Variants in SLC38A8 observed in about 807,000 individuals in gnomAD.
The protein encoded by SLC38A8 is amino acid transporter SLC38A8.
In SLC38A8, 65 loss-of-function variants were observed where a neutral mutation model predicts 46.0. The ratio of observed to expected loss-of-function variants is 1.41; its 90% CI spans 1.16 to 1.74. SLC38A8 has a LOEUF of 1.74. Ranked by LOEUF, SLC38A8 falls within the 40% of genes most tolerant of loss-of-function variation. The pLI is 0.00. For synonymous variants in SLC38A8, 447 were observed against 243.7 expected, an observed-to-expected ratio of 1.83 and a Z score of -7.77; for missense variants, 998 against 567.9, an observed-to-expected ratio of 1.76 and a Z score of -7.70.
rs1422909947 is a variant in SLC38A8, at chr16:84,022,859, T to G, written c.721A>C (p.Ser241Arg). ...TGGGAGAGGCTCCGTTTGCGCATGC[T>G]GCAGTAGATGGAGACGGCAGCTTCG... is the stretch of plus-strand genomic sequence containing the variant. ...CHEAAVSIYC[S>R]MRKRSLSHWA... The change falls in exon 7 of 11, where the codon AGC becomes CGC. Residue 241 changes from serine (S) to arginine (R), a missense_variant. Transcript: ENST00000299709. The G allele has an allele frequency of 6.2e-7, 1 of 1,608,666 alleles. No individual in the cohort carries two copies. Among genetic ancestry groups the G allele is most frequent in the Non-Finnish European group, 8.5e-7 (1 of 1,178,048 alleles).
At chr16:84,016,831 G>C (rs2085032878) in intron 8 of SLC38A8, 104 bp from the exon 9 acceptor site, 1 of 1,266,602 alleles carries the variant, frequency 7.9e-7, no homozygotes, top group South Asian at 1.5e-5. Flanking sequence ...ACCTGTCAGT[G>C]CTCCTGTTCC....
In SLC38A8 at chr16:84,030,768, G is replaced by A. The variant is rs114074910; in HGVS notation, c.632+1099C>T. Among the ~76,000 whole-genome samples the A allele has an allele frequency of 9.7e-3, 1,475 of 152,286 alleles. 19 individuals carry two copies. The highest frequency in any genetic ancestry group is 0.034 in the African/African-American group (1,396 of 41,562). ...GCAGGAGGAATATGCGGGGACCCTTGTTGGACAAGGATTAAGGATTTTAAG... is the reference window on the plus strand; with the variant it reads ...GCAGGAGGAATATGCGGGGACCCTTATTGGACAAGGATTAAGGATTTTAAG... On this transcript the variant is annotated intron_variant, in intron 5 of 10. Transcript: ENST00000299709.
In SLC38A8 at chr16:84,022,837, G is replaced by T. The variant is rs11861325; in HGVS notation, c.743C>A (p.Ser248Tyr). ...IYCSMRKRSL[S>Y]HWALVSVLSL... The stretch of plus-strand genomic sequence containing the variant: ...CAGCACAGACACCAGGGCCCAGTGG[G>T]AGAGGCTCCGTTTGCGCATGCTGCA... Residue 248 changes from serine to tyrosine, a missense_variant, in exon 7 of 11, where the codon TCC becomes TAC. Coordinates refer to ENST00000299709, the MANE Select transcript of SLC38A8 (RefSeq NM_001080442.3). The T allele has an allele frequency of 3.1e-6, 5 of 1,612,656 alleles. No individual in the cohort carries two copies.
At chr16:84,021,699 C>T (rs1394265801) in intron 7 of SLC38A8, among the ~76,000 whole-genome samples, 1 of 152,246 alleles carries the variant, frequency 6.6e-6, no homozygotes, top group East Asian at 1.9e-4. Flanking sequence ...CAATCATCAA[C>T]ACCCCACTCT....
intron 6 of SLC38A8, 149 bp downstream of exon 6, chr16:84,029,345 A>C: frequency 1.4e-6 from 1 of 717,284 alleles, no homozygotes; most frequent in South Asian, 1.9e-5. Context: ...CAGCCTGGGA[A>C]CCACAGGTGG....
intron 4 of SLC38A8, among the ~76,000 whole-genome samples, chr16:84,033,120 C>G (rs1398273731): frequency 6.6e-6 from 1 of 152,224 alleles, no homozygotes; most frequent in African/African-American, 2.4e-5. Context: ...CTGAGTAGCA[C>G]TGACGTTGTT....
intron 3 of SLC38A8, among the ~76,000 whole-genome samples, chr16:84,034,643 A>C (rs550634407): frequency 6.6e-6 from 1 of 152,196 alleles, no homozygotes; most frequent in Non-Finnish European, 1.5e-5. Context: ...TGAAAAAATG[A>C]ATGCATGTGA....
chr16:84,013,985 G>T, intron 9 of SLC38A8, among the ~76,000 whole-genome samples: 1 of 151,920 alleles, frequency 6.6e-6, no homozygotes, highest in East Asian at 1.9e-4. Flanking sequence ...CCTGAGTGAG[G>T]AGCCGTGTGG....
intron 6 of SLC38A8, among the ~76,000 whole-genome samples, chr16:84,029,194 G>T (rs1420225618): frequency 6.6e-6 from 1 of 152,106 alleles, no homozygotes; most frequent in African/African-American, 2.4e-5. Context: ...GAAGGGACAG[G>T]TCCCGGGTCC....
At chr16:84,017,054 G>A (rs773332855) in intron 8 of SLC38A8, 86 bp downstream of exon 8, 107 of 1,538,274 alleles carry the variant, frequency 7.0e-5, no homozygotes, top group Middle Eastern at 6.8e-4. Context: ...TCCCACAGCC[G>A]CGTAGCCCAC....
chr16:84,029,666 A>C (rs2085214633), intron 5 of SLC38A8, 115 bp from the exon 6 acceptor site: 3 of 1,045,690 alleles, frequency 2.9e-6, no homozygotes, highest in Non-Finnish European at 4.3e-6. Flanking sequence ...CATGGCTGCA[A>C]GATGTATTTT....
chr16:84,013,435 T>TGTTTTTTGTTTTTGTTG (rs1555551880), intron 9 of SLC38A8, among the ~76,000 whole-genome samples: 1 of 130,696 alleles, frequency 7.7e-6, no homozygotes, highest in Non-Finnish European at 1.6e-5. Context: ...TTTTTTTTTT[T>TGTTTTTTGTTTTTGTTG]TTTTTTTTTT....
chr16:84,039,745 A>C (rs1040704812), intron 2 of SLC38A8, among the ~76,000 whole-genome samples: 299 of 17,368 alleles, frequency 0.017, 7 homozygotes, highest in South Asian at 0.062. Context: ...GAGACCTTCA[A>C]AAAAAAAAAA....
chr16:84,025,455 C>A (rs1427421760), intron 6 of SLC38A8, among the ~76,000 whole-genome samples: 2 of 152,196 alleles, frequency 1.3e-5, no homozygotes, highest in African/African-American at 4.8e-5. Context: ...TCACACAGCC[C>A]GTGTCCTCAA....
rs374462517 is a variant in SLC38A8 at position 84,022,905 on chromosome 16, C to T, written c.691-16G>A. On this transcript the variant is annotated splice_polypyrimidine_tract_variant and intron_variant, in intron 6 of 10. Coordinates refer to ENST00000299709, the MANE Select transcript of SLC38A8 (RefSeq NM_001080442.3). ...CTTCGTGACACTGTAAGACAGAGGG[C>T]GGCTCAGCAGGATGCTGGCTTCCCC... The T allele has an allele frequency of 8.5e-5, 132 of 1,559,596 alleles. No homozygotes were observed. Among genetic ancestry groups the T allele is most frequent in the South Asian group, 3.4e-4 (28 of 83,124 alleles).
At chr16:84,040,043 C>T (rs575663809) in intron 2 of SLC38A8, 5 of 152,388 alleles carry the variant, frequency 3.3e-5, no homozygotes, top group Admixed American at 1.3e-4. Flanking sequence ...AGACTGTTTT[C>T]ATCAAATGGC....
At chr16:84,031,501 C>A (rs2085237564) in intron 5 of SLC38A8, among the ~76,000 whole-genome samples, 1 of 152,218 alleles carries the variant, frequency 6.6e-6, no homozygotes, top group African/African-American at 2.4e-5. Flanking sequence ...TTCCGGCTGG[C>A]TTGGCCACAC....
At chr16:84,019,971 C>G (rs756424192) in intron 7 of SLC38A8, among the ~76,000 whole-genome samples, 4 of 152,256 alleles carry the variant, frequency 2.6e-5, no homozygotes, top group Non-Finnish European at 5.9e-5. Flanking sequence ...CGTGTCTGTT[C>G]ACAGGGGTTG....
chr16:84,021,731 G>A lies in SLC38A8; in HGVS notation c.805+1044C>T, dbSNP rs561227425. 7.2e-5 allele frequency among the ~76,000 whole-genome samples: 11 copies of A among 152,316 alleles called. No homozygotes were observed. In the South Asian group the frequency reaches 2.3e-3, roughly 32 times the overall value. ...CTCTTGATACCAATTTTCTGTCTTA[G>A]TCCATTTTTTGTTGGTTACAACAGA... On this transcript the variant is annotated intron_variant, in intron 7 of 10. Transcript: ENST00000299709.
Sources: allele counts gnomAD v4.1 joint callset (sites outside exome capture counted in the v4.1 genomes callset), GRCh38; gene constraint gnomAD v4.1.1; transcripts MANE v1.5; gene names NCBI Gene and HGNC (gene_info 2026-07-23, HGNC 2026-07-21).